INTS7: variants seen among roughly 807,000 people sequenced by gnomAD.
INTS7 encodes chromosome 1 open reading frame 73.
In INTS7, 46 loss-of-function variants were observed where a neutral mutation model predicts 109.2. The observed-to-expected ratio is 0.42, with a 90% confidence interval of 0.33 to 0.54. The LOEUF is 0.54. Ranked by LOEUF, INTS7 falls within the 20% of genes least tolerant of loss-of-function variation. INTS7 has a pLI of 0.07. For missense variants in INTS7, 929 were observed against 1,132.4 expected (o/e 0.82, Z 2.58); for synonymous variants, 412 against 402.9 (o/e 1.02, Z -0.27).
chr1:211,965,936 CTTAAAAG>C (rs968129721), intron 16 of INTS7, among the ~76,000 whole-genome samples: 5 of 151,714 alleles, frequency 3.3e-5, no homozygotes, highest in Non-Finnish European at 5.9e-5. Context: ...TAACACTGAA[CTTAAAAG>C]TTAAAAAAGA....
intron 4 of INTS7, among the ~76,000 whole-genome samples, chr1:212,015,239 C>T (rs1022355405): frequency 1.8e-4 from 28 of 151,994 alleles, no homozygotes; most frequent in Non-Finnish European, 8.8e-5. Flanking sequence ...CAGGCCATGA[C>T]GACGATGGGG....
intron 7 of INTS7, among the ~76,000 whole-genome samples, chr1:211,996,090 T>C (rs966285353): frequency 2.0e-5 from 3 of 152,122 alleles, no homozygotes; most frequent in Non-Finnish European, 4.4e-5. Flanking sequence ...ACCTAAGTAA[T>C]ATCACCAATA....
chr1:212,003,397 T>C (rs2102462989), intron 7 of INTS7, among the ~76,000 whole-genome samples: 1 of 150,208 alleles, frequency 6.7e-6, no homozygotes, highest in South Asian at 2.1e-4. Context: ...GTATCCTCAA[T>C]GCCCTGGGAA....
intron 13 of INTS7, among the ~76,000 whole-genome samples, chr1:211,971,480 G>C (rs1465071199): frequency 6.6e-6 from 1 of 152,142 alleles, no homozygotes; most frequent in African/African-American, 2.4e-5. Context: ...ACAGCTTCCT[G>C]CAACAAAATG....
At chr1:211,995,232 C>T (rs1227011479) in intron 7 of INTS7, among the ~76,000 whole-genome samples, 1 of 151,628 alleles carries the variant, frequency 6.6e-6, no homozygotes, top group Admixed American at 6.6e-5. Context: ...AGCGATGGGA[C>T]AAAGGAAACA....
intron 3 of INTS7, among the ~76,000 whole-genome samples, chr1:212,018,786 T>C (rs1038278920): frequency 2.6e-5 from 4 of 152,228 alleles, no homozygotes; most frequent in Non-Finnish European, 4.4e-5. Flanking sequence ...TTAAAAGTTA[T>C]ACAGTAGTTC....
chr1:211,978,183 G>A (rs1664499672), intron 11 of INTS7, 89 bp downstream of exon 11: 1 of 1,445,948 alleles, frequency 6.9e-7, no homozygotes, highest in Non-Finnish European at 9.6e-7. Flanking sequence ...TGTTTTTTAA[G>A]TAAAGTCAAA....
chr1:211,977,794 A>G (rs564768000), intron 11 of INTS7, among the ~76,000 whole-genome samples: 1 of 152,322 alleles, frequency 6.6e-6, no homozygotes, highest in South Asian at 2.1e-4. Flanking sequence ...AGAAGCCTAA[A>G]CTGGATCCTA....
At chr1:211,996,365 T>G (rs972250284) in intron 7 of INTS7, among the ~76,000 whole-genome samples, 4 of 151,894 alleles carry the variant, frequency 2.6e-5, no homozygotes, top group Non-Finnish European at 5.9e-5. Flanking sequence ...GAGGCTGAGG[T>G]GAACTGAGAT....
intron 1 of INTS7, among the ~76,000 whole-genome samples, chr1:212,032,562 C>T (rs1182335266): frequency 3.3e-5 from 5 of 150,424 alleles, no homozygotes; most frequent in Admixed American, 2.0e-4. Flanking sequence ...CTGGAAGCCC[C>T]GCCTCCCAGG....
At position 212,016,954 on chromosome 1, in the gene INTS7, T is replaced by G; in HGVS notation, c.441A>C (p.Leu147Phe). 1 of 1,605,878 alleles carries G rather than the reference T, an allele frequency of 6.2e-7. No homozygotes were observed. The highest frequency in any genetic ancestry group is 8.5e-7 in the Non-Finnish European group (1 of 1,176,402). Residue 147 changes from leucine to phenylalanine, a missense_variant, in exon 4 of 20, where the codon TTA (leucine) becomes TTC (phenylalanine). Coordinates refer to ENST00000366994, the MANE Select transcript of INTS7 (RefSeq NM_015434.4). ...KNAHHSIRQS[L>F]DSHDNVEVEA... is the part of the protein sequence containing the mutation. The stretch of plus-strand genomic sequence containing the variant: ...CAACTTCTACATTATCATGTGAATC[T>G]AAACTCTGACGAATACTATGATGAG...
chr1:212,026,221 A>G (rs1437066685), intron 1 of INTS7, among the ~76,000 whole-genome samples: 4 of 152,198 alleles, frequency 2.6e-5, no homozygotes, highest in Non-Finnish European at 5.9e-5. Context: ...AGACAACCAC[A>G]AAGTAAAACT....
chr1:212,023,222 A>C (rs1160845979), intron 1 of INTS7, among the ~76,000 whole-genome samples: 1 of 152,166 alleles, frequency 6.6e-6, no homozygotes. Flanking sequence ...ATATGAGTAC[A>C]TGTGTCTTTT....
At chr1:211,974,272 A>ATATACAT (rs1553249472) in intron 13 of INTS7, among the ~76,000 whole-genome samples, 2 of 62,326 alleles carry the variant, frequency 3.2e-5, no homozygotes, top group African/African-American at 6.9e-5. Flanking sequence ...TCCCAGAAAA[A>ATATACAT]AAAAATATAT....
Position 211,941,999 on chromosome 1 carries a change from G to A in INTS7, c.2714C>T (p.Thr905Ile). 2 of 1,614,186 alleles carry A rather than the reference G, an allele frequency of 1.2e-6. No individual in the cohort carries two copies. The highest frequency in any genetic ancestry group is 1.7e-6 in the Non-Finnish European group (2 of 1,180,030). Residue 905 changes from threonine (T) to isoleucine (I), a missense_variant, in exon 20 of 20, where the codon ACA becomes ATA. Thr to Ile is a moderately conservative substitution (Grantham distance 89). Transcript: ENST00000366994. ...GGCATCTTTCACAGAAGATTCCACT[G>A]TAATGTTGTGTGTTCCAAGGATAGC... ...NFAILGTHNI[T>I]VESSVKDANG... is the part of the protein sequence containing the mutation.
intron 1 of INTS7, among the ~76,000 whole-genome samples, chr1:212,027,837 T>TC (rs1666994959): frequency 6.6e-6 from 1 of 151,812 alleles, no homozygotes; most frequent in Non-Finnish European, 1.5e-5. Flanking sequence ...AGATTCCTTT[T>TC]TTTTTTCTTG....
intron 11 of INTS7, among the ~76,000 whole-genome samples, chr1:211,977,958 T>C (rs1051195307): frequency 2.6e-4 from 40 of 152,328 alleles, no homozygotes; most frequent in African/African-American, 9.1e-4. Context: ...TTCATTTTCA[T>C]TCTGTCCTTT....
At chr1:212,029,764 T>C (rs904634056) in intron 1 of INTS7, among the ~76,000 whole-genome samples, 1 of 152,178 alleles carries the variant, frequency 6.6e-6, no homozygotes, top group Non-Finnish European at 1.5e-5. Flanking sequence ...GATTCAAAAT[T>C]GAACCATAAC....
At chr1:211,984,914 T>C (rs1933594) in intron 8 of INTS7, among the ~76,000 whole-genome samples, 3,975 of 152,304 alleles carry the variant, frequency 0.026, 58 homozygotes, top group African/African-American at 0.046. Context: ...TGTGTCATAA[T>C]TTCTTTGAGT....
Sources: gnomAD v4.1 joint callset for allele counts (sites outside exome capture counted in the v4.1 genomes callset) on GRCh38, gnomAD v4.1.1 for gene constraint, MANE v1.5 for transcripts, NCBI Gene and HGNC (gene_info 2026-07-23, HGNC 2026-07-21) for gene names.